The following ABCD2 variants were observed in gnomAD, a reference collection of about 807,000 sequenced individuals.
ABCD2 encodes ATP binding cassette subfamily D member 2, also known as ATP-binding cassette sub-family D member 2.
A neutral mutation model predicts 70.9 loss-of-function variants in ABCD2; 36 were observed. That is an observed-to-expected ratio of 0.51 (90% confidence interval 0.39 to 0.67). The LOEUF (loss-of-function observed/expected upper bound fraction) is 0.67, where lower values mean the gene tolerates loss of function less well. Ranked by LOEUF, ABCD2 falls within the 30% of genes least tolerant of loss-of-function variation. ABCD2 has a pLI of 0.00. For synonymous variants in ABCD2, 304 were observed against 306.9 expected, an observed-to-expected ratio of 0.99 and a Z score of 0.10; for missense variants, 729 against 890.2, an observed-to-expected ratio of 0.82 and a Z score of 2.30.
rs572597578 is a variant in ABCD2, at chr12:39,586,285, A to G, written c.1659T>C (p.Ser553=). The stretch of plus-strand genomic sequence containing the variant: ...TGACTTGATCCCGAAGACTTCCAAG[A>G]GACATATATGGCCTTTAAAACACCA... The part of the protein sequence containing the change: ...MFYIPQRPYM[S]LGSLRDQVIY... The change falls in exon 7 of 10, where the codon TCT becomes TCC. Residue 553 remains serine (S), a synonymous_variant. Transcript: ENST00000308666. 6.2e-6 allele frequency: 10 copies of G among 1,612,102 alleles called. 1 individual carries two copies. The highest frequency in any genetic ancestry group is 3.3e-4 in the Middle Eastern group (2 of 6,048).
chr12:39,583,592 T>A (rs1045262379), intron 7 of ABCD2, among the ~76,000 whole-genome samples: 1 of 152,170 alleles, frequency 6.6e-6, no homozygotes, highest in African/African-American at 2.4e-5. Flanking sequence ...TCATGGGGAT[T>A]TGTTGTACAT....
At chr12:39,566,098 G>A (rs1342069823) in intron 9 of ABCD2, among the ~76,000 whole-genome samples, 1 of 151,966 alleles carries the variant, frequency 6.6e-6, no homozygotes, top group Non-Finnish European at 1.5e-5. Context: ...CTCTTTTTTT[G>A]TTGTGTCTCT....
chr12:39,578,244 G>C (rs1389494440), intron 8 of ABCD2, among the ~76,000 whole-genome samples: 1 of 152,170 alleles, frequency 6.6e-6, no homozygotes, highest in East Asian at 1.9e-4. Flanking sequence ...GGAGGCCGAG[G>C]CGGGCGGATC....
At chr12:39,599,319 T>A (rs1941863960) in intron 6 of ABCD2, among the ~76,000 whole-genome samples, 1 of 152,166 alleles carries the variant, frequency 6.6e-6, no homozygotes, top group South Asian at 2.1e-4. Flanking sequence ...AATAGAAAAT[T>A]TTCTTCATAA....
chr12:39,618,336 A>G (rs1402648914), intron 1 of ABCD2, among the ~76,000 whole-genome samples: 2 of 152,192 alleles, frequency 1.3e-5, no homozygotes, highest in African/African-American at 2.4e-5. Flanking sequence ...TTCTTCTGGT[A>G]GGTGCTTTAG....
intron 2 of ABCD2, among the ~76,000 whole-genome samples, chr12:39,610,494 G>T (rs1199611552): frequency 4.6e-5 from 7 of 151,974 alleles, no homozygotes; most frequent in Non-Finnish European, 7.4e-5. Flanking sequence ...CCACAAAAGG[G>T]GTACCAAAAT....
chr12:39,595,626 T>A (rs1158149587), intron 6 of ABCD2, among the ~76,000 whole-genome samples: 7 of 152,224 alleles, frequency 4.6e-5, no homozygotes, highest in Admixed American at 1.3e-4. Flanking sequence ...ATATTTAATC[T>A]AGGAGATTAA....
Position 39,603,942 on chromosome 12 carries a change from T to C in ABCD2, c.1470A>G (p.Gly490=). 6.2e-7 allele frequency: 1 copy of C among 1,612,850 alleles called. No homozygotes were observed. Among genetic ancestry groups the C allele is most frequent in the Non-Finnish European group, 8.5e-7 (1 of 1,179,222 alleles). The change falls in exon 5 of 10, where the codon GGA becomes GGG. Residue 490 remains glycine (G), a synonymous_variant. Coordinates refer to ENST00000308666, the MANE Select transcript of ABCD2 (RefSeq NM_005164.4). ...AGTTTAGCCTGGAAGCCACCACTTC[T>C]CCTGCTGGTGTAATTATGGGAACAT... The part of the protein sequence containing the change: ...CENVPIITPA[G]EVVASRLNFK...
At chr12:39,612,192 T>G (rs551837940) in intron 2 of ABCD2, among the ~76,000 whole-genome samples, 2 of 152,210 alleles carry the variant, frequency 1.3e-5, no homozygotes, top group Non-Finnish European at 2.9e-5. Context: ...GCTGAACCTA[T>G]GCATAGCCTG....
chr12:39,613,901 T>A (rs117693130), intron 2 of ABCD2, among the ~76,000 whole-genome samples: 2,958 of 152,290 alleles, frequency 0.019, 44 homozygotes, highest in Non-Finnish European at 0.027. Context: ...AAATCTGCAA[T>A]AGAATTATTT....
At chr12:39,576,841 G>T (rs1941524568) in intron 8 of ABCD2, among the ~76,000 whole-genome samples, 1 of 152,056 alleles carries the variant, frequency 6.6e-6, no homozygotes, top group Non-Finnish European at 1.5e-5. Context: ...GTTACATAAT[G>T]TAGAAACATT....
intron 9 of ABCD2, among the ~76,000 whole-genome samples, chr12:39,572,669 G>A (rs977725547): frequency 3.0e-4 from 46 of 152,090 alleles, no homozygotes; most frequent in African/African-American, 1.1e-3. Flanking sequence ...AGGTCTAGAA[G>A]GGCTTCAAGG....
chr12:39,564,159 G>A (rs546319655), intron 9 of ABCD2, among the ~76,000 whole-genome samples: 13 of 152,094 alleles, frequency 8.5e-5, no homozygotes, highest in Non-Finnish European at 1.8e-4. Flanking sequence ...GGGATGGCTG[G>A]GTCAAATGGT....
chr12:39,559,274 AGGCAG>A (rs559544570), intron 9 of ABCD2, among the ~76,000 whole-genome samples: 11 of 147,938 alleles, frequency 7.4e-5, no homozygotes, highest in African/African-American at 2.2e-4. Context: ...TGGGATGCTG[AGGCAG>A]GGCAGGAGAA....
chr12:39,565,553 T>C (rs1941332354), intron 9 of ABCD2, among the ~76,000 whole-genome samples: 1 of 152,168 alleles, frequency 6.6e-6, no homozygotes, highest in African/African-American at 2.4e-5. Flanking sequence ...GTTTTCTAGG[T>C]ATTCAATCAT....
chr12:39,556,650 A>C (rs1325000444), intron 9 of ABCD2, among the ~76,000 whole-genome samples: 1 of 152,180 alleles, frequency 6.6e-6, no homozygotes, highest in Non-Finnish European at 1.5e-5. Context: ...ATATGAAAAC[A>C]GACTAATACA....
intron 8 of ABCD2, among the ~76,000 whole-genome samples, chr12:39,577,894 C>T (rs1941540825): frequency 6.6e-6 from 1 of 151,954 alleles, no homozygotes; most frequent in Non-Finnish European, 1.5e-5. Flanking sequence ...ATATGGGGTT[C>T]TTACAATTTC....
the ABCD2 span, among the ~76,000 whole-genome samples, chr12:39,541,147 A>G: frequency 1.3e-5 from 2 of 152,238 alleles, no homozygotes; most frequent in East Asian, 1.9e-4. Flanking sequence ...CTAGTAGTGT[A>G]AATAGAAATG....
At chr12:39,612,498 A>C (rs942889475) in intron 2 of ABCD2, among the ~76,000 whole-genome samples, 53 of 152,226 alleles carry the variant, frequency 3.5e-4, no homozygotes, top group African/African-American at 1.3e-3. Flanking sequence ...ATATAATACT[A>C]TTTATGAAAT....
Sources: allele counts gnomAD v4.1 joint callset (sites outside exome capture counted in the v4.1 genomes callset), GRCh38; gene constraint gnomAD v4.1.1; transcripts MANE v1.5; gene names NCBI Gene and HGNC (gene_info 2026-07-23, HGNC 2026-07-21).